IMMP2L: variants seen among roughly 807,000 people sequenced by gnomAD.
IMMP2L encodes the protein inner mitochondrial membrane peptidase subunit 2.
In IMMP2L, 18 loss-of-function variants were observed where a neutral mutation model predicts 19.3. The ratio of observed to expected loss-of-function variants is 0.93; its 90% confidence interval spans 0.64 to 1.38. IMMP2L has a LOEUF of 1.38. Ranked by LOEUF, IMMP2L falls within the 40% of genes most tolerant of loss-of-function variation. The pLI is 0.00. For synonymous variants in IMMP2L, 76 were observed against 73.0 expected, an observed-to-expected ratio of 1.04 and a Z score of -0.21; for missense variants, 233 against 218.2, an observed-to-expected ratio of 1.07 and a Z score of -0.43.
chr7:111,047,187 T>G (rs146374853), intron 3 of IMMP2L, among the ~76,000 whole-genome samples: 115,213 of 137,818 alleles, frequency 0.84, 46,977 homozygotes, highest in Non-Finnish European at 0.91. Context: ...TTTTTTTTTG[T>G]TTTTTTTTTG....
chr7:111,016,794 AATATATAATATATACTATATATT>A (rs1563162856), intron 3 of IMMP2L, among the ~76,000 whole-genome samples: 1 of 72,318 alleles, frequency 1.4e-5, no homozygotes, highest in Non-Finnish European at 2.4e-5. Context: ...TATACTATAT[AATATATAATATATACTATATATT>A]ATATATAATA....
rs562642644 is a variant in IMMP2L, at chr7:111,441,498, G to A, written c.239+45740C>T. On this transcript the variant is annotated intron_variant, in intron 3 of 5. Coordinates refer to ENST00000405709, the MANE Select transcript of IMMP2L (RefSeq NM_032549.4). ...GAACCTAGCACTTACTGATTAGGTC[G>A]GGCATGTTATATGAGTGTGGGTCAT... 2.3e-4 allele frequency among the ~76,000 whole-genome samples: 35 copies of A among 151,776 alleles called. 1 individual carries two copies. The East Asian group carries it at 3.9e-3, about 17-fold the overall frequency.
chr7:111,045,054 T>C (rs988990644), intron 3 of IMMP2L, among the ~76,000 whole-genome samples: 3 of 152,062 alleles, frequency 2.0e-5, no homozygotes, highest in African/African-American at 7.2e-5. Flanking sequence ...TAAATTCCAG[T>C]CAATATAGCC....
At chr7:111,265,698 G>T (rs1175490830) in intron 3 of IMMP2L, among the ~76,000 whole-genome samples, 1 of 152,138 alleles carries the variant, frequency 6.6e-6, no homozygotes, top group Non-Finnish European at 1.5e-5. Context: ...CTTAGAAATT[G>T]CTCAAGATTT....
At chr7:111,304,776 T>C (rs1822677196) in intron 3 of IMMP2L, among the ~76,000 whole-genome samples, 1 of 149,278 alleles carries the variant, frequency 6.7e-6, no homozygotes, top group African/African-American at 2.5e-5. Flanking sequence ...AAAATCAAGA[T>C]GACCCACATG....
chr7:111,163,240 T>A (rs889467392), intron 3 of IMMP2L, among the ~76,000 whole-genome samples: 2 of 151,988 alleles, frequency 1.3e-5, no homozygotes, highest in Non-Finnish European at 2.9e-5. Context: ...GTCATAAAGA[T>A]AGATTGCTTC....
intron 3 of IMMP2L, among the ~76,000 whole-genome samples, chr7:111,263,238 T>C (rs773457511): frequency 2.9e-4 from 44 of 152,090 alleles, no homozygotes; most frequent in Admixed American, 7.2e-4. Flanking sequence ...GAAGCTGTAA[T>C]AAGTAGGTTA....
rs531258795 is a variant in IMMP2L at position 111,183,909 on chromosome 7, G to GT, written c.240-220345dup. ...TTTTTAAAACCCAGTTGTGCCAGTT[G>GT]TTAGGTACATTTGTAAGAACTTGGG... On this transcript the variant is annotated intron_variant, in intron 3 of 5. Coordinates refer to ENST00000405709, the MANE Select transcript of IMMP2L (RefSeq NM_032549.4). Among the ~76,000 whole-genome samples, 342 of 152,092 alleles carry GT rather than the reference G, an allele frequency of 2.2e-3. 3 individuals carry two copies. The highest frequency in any genetic ancestry group is 7.6e-3 in the African/African-American group (317 of 41,496).
At chr7:111,322,817 T>C (rs2130524275) in intron 3 of IMMP2L, among the ~76,000 whole-genome samples, 1 of 151,892 alleles carries the variant, frequency 6.6e-6, no homozygotes, top group East Asian at 1.9e-4. Context: ...AGAAAATCCA[T>C]AGCATTAAAT....
chr7:110,843,477 GA>G (rs1805314692), intron 5 of IMMP2L, among the ~76,000 whole-genome samples: 1 of 152,050 alleles, frequency 6.6e-6, no homozygotes, highest in Admixed American at 6.6e-5. Flanking sequence ...AAGTAGACAG[GA>G]AGAGAAAAAT....
intron 3 of IMMP2L, among the ~76,000 whole-genome samples, chr7:111,014,360 A>G (rs1210877249): frequency 6.6e-6 from 1 of 151,536 alleles, no homozygotes; most frequent in Non-Finnish European, 1.5e-5. Context: ...GTGTCAAAAG[A>G]AAAAAAAATT....
chr7:111,214,422 A>G (rs983523516), intron 3 of IMMP2L, among the ~76,000 whole-genome samples: 2 of 136,740 alleles, frequency 1.5e-5, no homozygotes, highest in Non-Finnish European at 3.0e-5. Flanking sequence ...TGCTCACTAC[A>G]ACCTCCGCCT....
intron 3 of IMMP2L, among the ~76,000 whole-genome samples, chr7:111,472,875 C>A (rs774239048): frequency 1.3e-4 from 19 of 151,540 alleles, no homozygotes; most frequent in Non-Finnish European, 1.9e-4. Context: ...GTGGGTGGAT[C>A]ACTTGAGGCC....
chr7:110,713,341 T>C (rs907061191), intron 5 of IMMP2L, among the ~76,000 whole-genome samples: 1 of 152,192 alleles, frequency 6.6e-6, no homozygotes, highest in Non-Finnish European at 1.5e-5. Context: ...AGTCAGGTAA[T>C]GTGATGCGTC....
intron 5 of IMMP2L, among the ~76,000 whole-genome samples, chr7:110,689,234 T>C (rs964062587): frequency 1.3e-5 from 2 of 152,192 alleles, no homozygotes; most frequent in Non-Finnish European, 2.9e-5. Context: ...AAAGGAAATA[T>C]GGTATTTTCT....
chr7:111,405,874 C>T (rs1332571439), intron 3 of IMMP2L, among the ~76,000 whole-genome samples: 1 of 152,052 alleles, frequency 6.6e-6, no homozygotes, highest in Non-Finnish European at 1.5e-5. Flanking sequence ...CACCCATTTT[C>T]TTAATTATTG....
At chr7:111,004,510 A>T (rs1824082751) in intron 3 of IMMP2L, among the ~76,000 whole-genome samples, 1 of 152,262 alleles carries the variant, frequency 6.6e-6, no homozygotes, top group Non-Finnish European at 1.5e-5. Flanking sequence ...ATCACTGAGT[A>T]ATAACTGGAT....
intron 3 of IMMP2L, among the ~76,000 whole-genome samples, chr7:111,086,084 T>C (rs1229802033): frequency 6.6e-6 from 1 of 151,962 alleles, no homozygotes; most frequent in East Asian, 1.9e-4. Context: ...ATGTTTACCT[T>C]TGTAACAAAC....
In IMMP2L at chr7:110,967,176, T is replaced by C. The variant is rs563022278; in HGVS notation, c.240-3611A>G. Among the ~76,000 whole-genome samples the C allele has an allele frequency of 1.4e-4, 22 of 152,224 alleles. No individual in the cohort carries two copies. In the South Asian group the frequency reaches 2.3e-3, roughly 16 times the overall value. ...GCTCTGTGTGGTATGGCAGAGAATG[T>C]CTGTAACCAGAATGGTTGCAGGCCA... On this transcript the variant is annotated intron_variant, in intron 3 of 5. Transcript: ENST00000405709.
Sources: gnomAD v4.1 joint callset for allele counts (sites outside exome capture counted in the v4.1 genomes callset) on GRCh38, gnomAD v4.1.1 for gene constraint, MANE v1.5 for transcripts, NCBI Gene and HGNC (gene_info 2026-07-23, HGNC 2026-07-21) for gene names.